WIPI2: variants seen among roughly 807,000 people sequenced by gnomAD.
WIPI2 encodes WD repeat domain phosphoinositide-interacting protein 2.
Under a neutral mutation model 52.3 loss-of-function variants are expected in WIPI2, and 28 were observed. That is an observed-to-expected ratio of 0.54 (90% CI 0.40 to 0.73). WIPI2 has a LOEUF of 0.73. WIPI2 is among the 30% of genes least tolerant of loss of function. WIPI2 has a pLI of 0.00. For synonymous variants in WIPI2, 268 were observed against 245.0 expected (o/e 1.09, Z -0.88); for missense variants, 506 against 602.9 (o/e 0.84, Z 1.68).
intron 1 of WIPI2, among the ~76,000 whole-genome samples, chr7:5,191,652 A>G (rs1317763514): frequency 2.0e-5 from 3 of 152,182 alleles, no homozygotes; most frequent in Non-Finnish European, 4.4e-5. Context: ...GAGGAGAGCC[A>G]TCTTGGAAGT....
intron 9 of WIPI2, chr7:5,226,951 T>A: frequency 1.8e-6 from 1 of 560,426 alleles, no homozygotes; most frequent in Non-Finnish European, 3.1e-6. Flanking sequence ...GGCCAAAGGC[T>A]GTAGCTCCTC....
rs533952795 is a variant in WIPI2 at position 5,230,317 on chromosome 7, C to T, written c.1253-518C>T. Among the ~76,000 whole-genome samples, 3 of 152,302 alleles carry T rather than the reference C, an allele frequency of 2.0e-5. No homozygotes were observed. Among genetic ancestry groups the T allele is most frequent in the East Asian group, 1.9e-4 (1 of 5,182 alleles). On this transcript the variant is annotated intron_variant, in intron 12 of 12. Transcript: ENST00000288828. The surrounding 1 kb of genome is among the most constrained non-coding windows in gnomAD (Gnocchi z 4.8). Reference sequence around the variant, plus strand: ...GGAATGAGGCCAATGGGCTCCCCTCCGGCGGCAGCACTAAGACCCATGCAT... The same window carrying T: ...GGAATGAGGCCAATGGGCTCCCCTCTGGCGGCAGCACTAAGACCCATGCAT...
In WIPI2 at chr7:5,227,583, A is replaced by G. The variant is rs919684690; in HGVS notation, c.1013+239A>G. 2.0e-5 allele frequency among the ~76,000 whole-genome samples: 3 copies of G among 152,164 alleles called. No homozygotes were observed. The highest frequency in any genetic ancestry group is 7.2e-5 in the African/African-American group (3 of 41,430). On this transcript the variant is annotated intron_variant, in intron 10 of 12. Transcript: ENST00000288828. This position sits in a 1 kb window ranked among gnomAD's most constrained non-coding sequence, Gnocchi z 8.1. ...TTTTTGTGGATAGTCTGCGGTATTA[A>G]TGAAAGACGTTAAGTCAAACCTCGT...
rs1781411032 is a variant in WIPI2 at position 5,190,347 on chromosome 7, A to C, written c.-73A>C. The C allele has an allele frequency of 9.3e-7, 1 of 1,079,550 alleles. No homozygotes were observed. The highest frequency in any genetic ancestry group is 1.7e-5 in the African/African-American group (1 of 59,320). The allele number at this position is 1,079,550 out of a possible 1,614,324, so 66.9% of individuals were successfully genotyped here. On this transcript the variant is annotated 5_prime_UTR_variant, in exon 1 of 13. Transcript: ENST00000288828. ...AGGCGGCGAGCGGGGCCCGGCGCCG[A>C]CCCTGAGTGCAGCCTGACCCGCCCT... is the stretch of plus-strand genomic sequence containing the variant.
chr7:5,199,845 G>A (rs961154633), intron 3 of WIPI2, among the ~76,000 whole-genome samples, 187 bp downstream of exon 3: 2 of 152,190 alleles, frequency 1.3e-5, no homozygotes, highest in African/African-American at 2.4e-5. Flanking sequence ...GCCCTGATCT[G>A]TGCATTTGCC....
chr7:5,207,422 CTT>C (rs1782350753), intron 3 of WIPI2, among the ~76,000 whole-genome samples: 1 of 152,138 alleles, frequency 6.6e-6, no homozygotes, highest in African/African-American at 2.4e-5. Context: ...AGCATCTACT[CTT>C]TTGATGACGT....
chr7:5,191,990 G>A (rs188698912), intron 1 of WIPI2, among the ~76,000 whole-genome samples: 3 of 152,122 alleles, frequency 2.0e-5, no homozygotes, highest in South Asian at 2.1e-4. Flanking sequence ...ATAGTGGAGC[G>A]GGGGCAGGAG....
intron 4 of WIPI2, among the ~76,000 whole-genome samples, chr7:5,215,878 A>ATTT (rs1338571240): frequency 2.6e-5 from 4 of 152,258 alleles, no homozygotes; most frequent in Admixed American, 6.5e-5. Flanking sequence ...CTTGCAAAGT[A>ATTT]ATCTGAGTGC....
chr7:5,194,080 C>T (rs146203213), intron 2 of WIPI2, among the ~76,000 whole-genome samples: 215 of 152,274 alleles, frequency 1.4e-3, no homozygotes, highest in African/African-American at 4.7e-3. Context: ...ACTTAGGTGA[C>T]GCCCAGTTTC....
chr7:5,225,180 G>T (rs965221234), intron 8 of WIPI2, among the ~76,000 whole-genome samples: 4 of 150,342 alleles, frequency 2.7e-5, no homozygotes, highest in Non-Finnish European at 5.9e-5. Context: ...TCACTCTGTC[G>T]CCCAGGCTGG....
At chr7:5,217,706 A>G (rs780982578) in intron 6 of WIPI2, 1 of 573,912 alleles carries the variant, frequency 1.7e-6, no homozygotes, top group South Asian at 1.9e-5. Context: ...TTGAAGGAAC[A>G]TAGAAAACCT....
Position 5,231,407 on chromosome 7 carries a change from C to A in WIPI2, c.*460C>A, listed in dbSNP as rs1019343177. The A allele has an allele frequency of 4.6e-5, 7 of 153,654 alleles. No individual in the cohort carries two copies. Among genetic ancestry groups the A allele is most frequent in the African/African-American group, 1.7e-4 (7 of 41,600 alleles). The allele number at this position is 153,654 out of a possible 1,614,324, so 9.5% of individuals were successfully genotyped here. A position where few individuals can be genotyped will look rare whatever the true frequency, so the allele number is the denominator to read the frequency against. ...AGTTCTGCAGTGACAGGCCCAGGGG[C>A]TGCCCACCAGGTGTGCTGGGCAGAC... On this transcript the variant is annotated 3_prime_UTR_variant, in exon 13 of 13. Coordinates refer to ENST00000288828, the MANE Select transcript of WIPI2 (RefSeq NM_015610.4).
At chr7:5,221,225 G>A (rs1266734219) in intron 7 of WIPI2, among the ~76,000 whole-genome samples, 1 of 151,866 alleles carries the variant, frequency 6.6e-6, no homozygotes, top group Non-Finnish European at 1.5e-5. Flanking sequence ...GGCTCCCAAA[G>A]CTTGGGATTA....
At chr7:5,228,393 A>T (rs1036971225) in intron 11 of WIPI2, among the ~76,000 whole-genome samples, 182 bp downstream of exon 11, 2 of 152,364 alleles carry the variant, frequency 1.3e-5, no homozygotes, top group Admixed American at 1.3e-4. Flanking sequence ...ATGCCGCCGC[A>T]AGACAGGGAG....
chr7:5,200,761 C>G (rs1327096531), intron 3 of WIPI2, among the ~76,000 whole-genome samples: 1 of 152,202 alleles, frequency 6.6e-6, no homozygotes, highest in Non-Finnish European at 1.5e-5. Context: ...CTCCTCTCTG[C>G]AGGTGAGCCT....
At chr7:5,208,613 G>C (rs184717095) in intron 3 of WIPI2, among the ~76,000 whole-genome samples, 10 of 152,210 alleles carry the variant, frequency 6.6e-5, no homozygotes, top group African/African-American at 2.4e-4. Flanking sequence ...TGTATGTTGT[G>C]AGGTATGAAT....
intron 3 of WIPI2, among the ~76,000 whole-genome samples, chr7:5,209,911 GT>G (rs760731626): frequency 6.6e-6 from 1 of 151,618 alleles, no homozygotes; most frequent in East Asian, 1.9e-4. Context: ...TTTTTGTTTT[GT>G]TTTTTTGGTT....
intron 7 of WIPI2, among the ~76,000 whole-genome samples, chr7:5,220,508 G>A (rs908136274): frequency 6.6e-6 from 1 of 151,970 alleles, no homozygotes; most frequent in Admixed American, 6.5e-5. Flanking sequence ...CAAAGTGCTG[G>A]GATTACAGGA....
Position 5,229,646 on chromosome 7 carries a change from A to G in WIPI2, c.1160A>G (p.Asp387Gly). Reference sequence around the variant, plus strand: ...CTGGAAACGACCAATGAGATCTTGGACTCTGCCTCTCACGACTGCCCCTTA... The same window carrying G: ...CTGGAAACGACCAATGAGATCTTGGGCTCTGCCTCTCACGACTGCCCCTTA... The part of the protein sequence containing the change: ...GSLETTNEIL[D>G]SASHDCPLVT... The change falls in exon 12 of 13, where the codon GAC becomes GGC. Residue 387 changes from aspartate to glycine, a missense_variant. Transcript: ENST00000288828. The G allele has an allele frequency of 6.2e-7, 1 of 1,613,760 alleles. No individual in the cohort carries two copies. The highest frequency in any genetic ancestry group is 8.5e-7 in the Non-Finnish European group (1 of 1,179,886).
Sources: gnomAD v4.1 joint callset for allele counts (sites outside exome capture counted in the v4.1 genomes callset) on GRCh38, gnomAD v4.1.1 for gene constraint, Gnocchi (gnomAD v3.1) non-coding constraint, MANE v1.5 for transcripts, NCBI Gene and HGNC (gene_info 2026-07-23, HGNC 2026-07-21) for gene names.